The following SUZ12 variants were observed in gnomAD, a reference collection of about 807,000 sequenced individuals.
The protein encoded by SUZ12 is SUZ12 polycomb repressive complex 2 subunit, also known as polycomb protein SUZ12.
Under a neutral mutation model 87.3 loss-of-function variants are expected in SUZ12, and 17 were observed. That is an observed-to-expected ratio of 0.19 (90% CI 0.13 to 0.29). The LOEUF is 0.29. Among genes scored for constraint, SUZ12 ranks in the 10% least tolerant of loss-of-function variants. The pLI is 1.00. For missense variants in SUZ12, 526 were observed against 912.2 expected, an observed-to-expected ratio of 0.58 and a Z score of 5.45; for synonymous variants, 253 against 312.4, an observed-to-expected ratio of 0.81 and a Z score of 2.01.
rs1390150711 is a variant in SUZ12, at chr17:31,973,877, T to A, written c.591+646T>A. ...CATAGGCCATAAGGGCCTCAATCAC[T>A]GGGAGGGAGTAGACTAAGGCACCAT... On this transcript the variant is annotated intron_variant, in intron 6 of 15. Transcript: ENST00000322652. Among the ~76,000 whole-genome samples the A allele has an allele frequency of 5.3e-5, 8 of 152,128 alleles. No homozygotes were observed. In the South Asian group the frequency reaches 6.2e-4, roughly 12 times the overall value.
At chr17:31,939,334 G>A (rs1382496208) in intron 1 of SUZ12, among the ~76,000 whole-genome samples, 1 of 151,872 alleles carries the variant, frequency 6.6e-6, no homozygotes, top group Admixed American at 6.6e-5. Context: ...GGAGGCTGAG[G>A]CAGGAGGATC....
At chr17:31,978,124 G>A (rs1327513088) in intron 8 of SUZ12, among the ~76,000 whole-genome samples, 3 of 152,108 alleles carry the variant, frequency 2.0e-5, no homozygotes, top group Non-Finnish European at 4.4e-5. Context: ...GCTGCGTGCT[G>A]GTAGTTAACA....
chr17:31,981,677 A>G (rs1909117586), intron 8 of SUZ12, among the ~76,000 whole-genome samples: 1 of 152,242 alleles, frequency 6.6e-6, no homozygotes, highest in Admixed American at 6.5e-5. Flanking sequence ...GTAGTACAGC[A>G]TAGAGAAAAG....
chr17:31,987,250 A>C (rs1033925725), intron 9 of SUZ12, among the ~76,000 whole-genome samples: 2 of 152,352 alleles, frequency 1.3e-5, no homozygotes, highest in Non-Finnish European at 2.9e-5. Context: ...TTAGAAGAAA[A>C]GATACTGGAT....
chr17:31,990,204 ACCTCATGGTCT>A (rs1160438677), intron 10 of SUZ12, among the ~76,000 whole-genome samples: 8 of 140,602 alleles, frequency 5.7e-5, no homozygotes, highest in African/African-American at 1.9e-4. Context: ...CAATCTCCTG[ACCTCATGGTCT>A]GCCTGCCTCG....
chr17:31,980,039 A>AAC, intron 8 of SUZ12, among the ~76,000 whole-genome samples: 1 of 148,282 alleles, frequency 6.7e-6, no homozygotes, highest in South Asian at 2.1e-4. Flanking sequence ...GAGAGAGAGA[A>AAC]ACAGGCAGGC....
chr17:31,999,523 T>G lies in SUZ12; in HGVS notation c.*520T>G. The G allele has an allele frequency of 4.3e-6, 1 of 231,004 alleles. No homozygotes were observed. The allele number at this position is 231,004 out of a possible 1,614,324, so 14.3% of individuals were successfully genotyped here. On this transcript the variant is annotated 3_prime_UTR_variant, in exon 16 of 16. Transcript: ENST00000322652. The stretch of plus-strand genomic sequence containing the variant: ...CTATTTGCAGTCAAACTTTGATCCT[T>G]GTTTTTGAAATCATTTGTCAATTCG...
chr17:31,978,090 C>T (rs1908866293), intron 8 of SUZ12, among the ~76,000 whole-genome samples: 1 of 152,096 alleles, frequency 6.6e-6, no homozygotes, highest in African/African-American at 2.4e-5. Context: ...AGAAAGAAAC[C>T]TATGCCGTCA....
chr17:31,944,004 A>G (rs1353247885), intron 3 of SUZ12, among the ~76,000 whole-genome samples: 2 of 152,004 alleles, frequency 1.3e-5, no homozygotes, highest in African/African-American at 4.8e-5. Context: ...CCATCAAAGC[A>G]TTTTTAATAT....
chr17:31,997,955 C>T (rs550027380), intron 15 of SUZ12, among the ~76,000 whole-genome samples: 89 of 152,164 alleles, frequency 5.8e-4, no homozygotes, highest in Middle Eastern at 6.8e-3. Flanking sequence ...AGTATGTTCC[C>T]GGCTTGGTGT....
At chr17:31,958,093 T>C (rs1312294805) in intron 4 of SUZ12, among the ~76,000 whole-genome samples, 3 of 151,292 alleles carry the variant, frequency 2.0e-5, no homozygotes, top group African/African-American at 4.9e-5. Flanking sequence ...TTAGTAGAGA[T>C]GGGGTTTCAC....
chr17:31,940,898 T>C (rs953762065), intron 3 of SUZ12, among the ~76,000 whole-genome samples: 29 of 151,756 alleles, frequency 1.9e-4, no homozygotes, highest in South Asian at 4.2e-4. Context: ...TAATCCCAGT[T>C]ACTTGCGAGG....
intron 12 of SUZ12, 27 bp from the exon 13 acceptor site, chr17:31,994,537 A>ATT: frequency 1.1e-5 from 14 of 1,248,556 alleles, no homozygotes; most frequent in Admixed American, 4.5e-5. Flanking sequence ...TACTTAATAT[A>ATT]TTTTTTTTTT....
Position 31,988,408 on chromosome 17 carries a change from C to T in SUZ12, c.1112C>T (p.Ala371Val). The change falls in exon 10 of 16, where the codon GCT becomes GTT. Residue 371 changes from alanine to valine, a missense_variant. Ala to Val is a moderately conservative substitution (Grantham distance 64). Around this residue, in one of 9 missense-constraint regions of SUZ12, gnomAD observed 85 missense variants for 87.4 expected, o/e 0.97. Transcript: ENST00000322652. ...WTGETNDKST[A>V]PIAKPLATRN... ...GGAGAGACCAATGATAAATCTACGG[C>T]TCCTATTGCCAAACCTCTTGCCACT... 2.5e-6 allele frequency: 4 copies of T among 1,613,954 alleles called. No individual in the cohort carries two copies. Among genetic ancestry groups the T allele is most frequent in the Non-Finnish European group, 3.4e-6 (4 of 1,179,970 alleles).
At chr17:31,956,936 C>T (rs1907381240) in intron 4 of SUZ12, among the ~76,000 whole-genome samples, 1 of 151,962 alleles carries the variant, frequency 6.6e-6, no homozygotes, top group African/African-American at 2.4e-5. Flanking sequence ...CCACCACGCC[C>T]AGCTAATGTT....
Position 31,951,697 on chromosome 17 carries a change from C to T in SUZ12, c.455+4012C>T, listed in dbSNP as rs545222440. On this transcript the variant is annotated intron_variant, in intron 4 of 15. Coordinates refer to ENST00000322652, the MANE Select transcript of SUZ12 (RefSeq NM_015355.4). ...TTCACCATGTTAGCCAGGATGGTCT[C>T]GATCTCCTGACCTCGTGATCCACCC... 8.6e-5 allele frequency among the ~76,000 whole-genome samples: 13 copies of T among 151,218 alleles called. No individual in the cohort carries two copies. In the East Asian group the frequency reaches 1.4e-3, roughly 16 times the overall value.
intron 4 of SUZ12, among the ~76,000 whole-genome samples, chr17:31,952,505 A>T (rs949144152): frequency 3.9e-5 from 6 of 152,160 alleles, no homozygotes; most frequent in African/African-American, 1.4e-4. Context: ...GTAGTGGTAT[A>T]TGCTAGCAGG....
chr17:31,951,351 A>G (rs1235943659), intron 4 of SUZ12, among the ~76,000 whole-genome samples: 1 of 152,210 alleles, frequency 6.6e-6, no homozygotes, highest in Non-Finnish European at 1.5e-5. Flanking sequence ...TATGAGCATT[A>G]TCTGTTCAAA....
intron 4 of SUZ12, among the ~76,000 whole-genome samples, chr17:31,962,394 C>T (rs1454300856): frequency 1.3e-5 from 2 of 152,152 alleles, no homozygotes; most frequent in African/African-American, 4.8e-5. Flanking sequence ...AGTTTGAGAC[C>T]AGCCTGGGTA....
Sources: allele counts gnomAD v4.1 joint callset (sites outside exome capture counted in the v4.1 genomes callset), GRCh38; gene constraint gnomAD v4.1.1; regional missense constraint gnomAD v4.1.1; transcripts MANE v1.5; gene names NCBI Gene and HGNC (gene_info 2026-07-23, HGNC 2026-07-21).